Variants in ZNF267 observed in about 807,000 individuals in gnomAD.
ZNF267 encodes the protein zinc finger protein 267.
A neutral mutation model predicts 71.6 loss-of-function variants in ZNF267; 61 were observed. The ratio of observed to expected loss-of-function variants is 0.85; its 90% CI spans 0.69 to 1.05. The LOEUF (loss-of-function observed/expected upper bound fraction) is 1.05. Ranked by LOEUF, ZNF267 falls within the 50% of genes least tolerant of loss-of-function variation. ZNF267 has a pLI of 0.00. For synonymous variants in ZNF267, 288 were observed against 293.2 expected (o/e 0.98, Z 0.18); for missense variants, 852 against 870.0 (o/e 0.98, Z 0.26).
chr16:31,913,457 G>C (rs1375454504), intron 3 of ZNF267: 1 of 152,162 alleles, frequency 6.6e-6, no homozygotes, highest in East Asian at 1.9e-4. Context: ...TTACTGCCTG[G>C]CTACCACCTA....
intron 3 of ZNF267, among the ~76,000 whole-genome samples, chr16:31,895,251 C>A (rs12446802): frequency 0.099 from 15,067 of 152,278 alleles, 1,057 homozygotes; most frequent in Admixed American, 0.2. Flanking sequence ...TTTCACTTAA[C>A]ATGAGATTCT....
Position 31,915,405 on chromosome 16 carries a change from A to G in ZNF267, c.1156A>G (p.Ser386Gly). The change falls in exon 4 of 4, where the codon AGC becomes GGC. Residue 386 changes from serine to glycine, a missense_variant. Transcript: ENST00000300870. ...GENLYKCKAC[S>G]KSFTRSSNLI... Reference sequence around the variant, plus strand: ...AAACCTTTACAAATGTAAAGCATGTAGCAAATCTTTTACTCGTTCCTCCAA... The same window carrying G: ...AAACCTTTACAAATGTAAAGCATGTGGCAAATCTTTTACTCGTTCCTCCAA... 2 of 1,613,792 alleles carry G rather than the reference A, an allele frequency of 1.2e-6. No individual in the cohort carries two copies. The highest frequency in any genetic ancestry group is 1.1e-5 in the South Asian group (1 of 91,048).
At chr16:31,897,433 T>C (rs1267519062) in intron 3 of ZNF267, among the ~76,000 whole-genome samples, 9 of 152,140 alleles carry the variant, frequency 5.9e-5, no homozygotes. Context: ...CATGAGGATT[T>C]ATGGGCTCTC....
At position 31,885,265 on chromosome 16, in the gene ZNF267, G is replaced by C. The variant is rs2083916425; in HGVS notation, c.226+9G>C. 1 of 1,603,794 alleles carries C rather than the reference G, an allele frequency of 6.2e-7. No individual in the cohort carries two copies. The highest frequency in any genetic ancestry group is 8.5e-7 in the Non-Finnish European group (1 of 1,174,866). ...AGTAGCCATCCAGCCAGGTAGGTGG[G>C]AGCGAATGAAGTAGATGACATGGGC... On this transcript the variant is annotated intron_variant, in intron 3 of 3. Transcript: ENST00000300870.
chr16:31,891,655 C>T (rs1036058935), intron 3 of ZNF267, among the ~76,000 whole-genome samples: 3 of 152,190 alleles, frequency 2.0e-5, no homozygotes, highest in African/African-American at 7.2e-5. Context: ...TTTCCCTGCA[C>T]AGGCTCTCTT....
Position 31,915,094 on chromosome 16 carries a change from A to G in ZNF267, c.845A>G (p.His282Arg). 6.2e-7 allele frequency: 1 copy of G among 1,613,696 alleles called. No individual in the cohort carries two copies. Among genetic ancestry groups the G allele is most frequent in the Non-Finnish European group, 8.5e-7 (1 of 1,179,848 alleles). Residue 282 changes from histidine (H) to arginine (R), a missense_variant, in exon 4 of 4, where the codon CAT (histidine) becomes CGT (arginine). Transcript: ENST00000300870. ...CVEVCTQSLK[H>R]IQHQTIHIRE... ...GAAGTTTGTACCCAGTCATTAAAAC[A>G]TATTCAACATCAGACCATCCATATC...
rs139429460 is a variant in ZNF267 at position 31,897,662 on chromosome 16, T to C, written c.226+12406T>C. On this transcript the variant is annotated intron_variant, in intron 3 of 3. Transcript: ENST00000300870. ...TATTGATATTTTGATAGAGAGTACATTGAATCTGTAAATCACCTTGGATAG... is the reference window on the plus strand; with the variant it reads ...TATTGATATTTTGATAGAGAGTACACTGAATCTGTAAATCACCTTGGATAG... Among the ~76,000 whole-genome samples the C allele has an allele frequency of 1.2e-4, 18 of 152,260 alleles. 1 individual carries two copies. In the East Asian group the frequency reaches 2.5e-3, roughly 21 times the overall value.
chr16:31,874,943 T>C (rs2083841611), intron 1 of ZNF267, among the ~76,000 whole-genome samples: 1 of 152,234 alleles, frequency 6.6e-6, no homozygotes, highest in African/African-American at 2.4e-5. Flanking sequence ...TCATTAATCA[T>C]GATTTCACAG....
rs749426255 is a variant in ZNF267, at chr16:31,873,815, C to T, written c.-152C>T. The T allele has an allele frequency of 1.6e-5, 17 of 1,054,644 alleles. No homozygotes were observed. In the African/African-American group the frequency reaches 2.2e-4, roughly 14 times the overall value. The allele number at this position is 1,054,644 out of a possible 1,614,324, so 65.3% of individuals were successfully genotyped here. On this transcript the variant is annotated 5_prime_UTR_variant, in exon 1 of 4. Transcript: ENST00000300870. ...GGGCCTTCGTCGGCTCCAGTTAGAG[C>T]TCGGGTCTCCTCGCCACAGCTCCGA...
intron 3 of ZNF267, among the ~76,000 whole-genome samples, chr16:31,896,423 TA>T (rs2083999660): frequency 6.6e-6 from 1 of 152,230 alleles, no homozygotes; most frequent in Non-Finnish European, 1.5e-5. Context: ...TGATTACACT[TA>T]ATTCTTTAAT....
intron 3 of ZNF267, among the ~76,000 whole-genome samples, chr16:31,906,111 C>T (rs1278664783): frequency 2.6e-5 from 4 of 152,204 alleles, no homozygotes; most frequent in Non-Finnish European, 4.4e-5. Context: ...TATTGGTGAA[C>T]CGCAAATGCT....
intron 1 of ZNF267, 125 bp downstream of exon 1, chr16:31,874,094 A>C: frequency 9.1e-7 from 1 of 1,095,872 alleles, no homozygotes; most frequent in Non-Finnish European, 1.3e-6. Context: ...CCGAGTCCCA[A>C]CTGGTGCAGC....
At chr16:31,911,175 G>A (rs560816563) in intron 3 of ZNF267, among the ~76,000 whole-genome samples, 3 of 151,714 alleles carry the variant, frequency 2.0e-5, no homozygotes, top group Non-Finnish European at 2.9e-5. Context: ...AAAATGTTCT[G>A]CAAATATTTA....
At chr16:31,876,668 T>G (rs1461163733) in intron 1 of ZNF267, among the ~76,000 whole-genome samples, 1 of 152,266 alleles carries the variant, frequency 6.6e-6, no homozygotes, top group Admixed American at 6.5e-5. Flanking sequence ...TGTTGAGGTA[T>G]AAATTATAAA....
chr16:31,892,915 A>G (rs1284985380), intron 3 of ZNF267, among the ~76,000 whole-genome samples: 3 of 152,154 alleles, frequency 2.0e-5, no homozygotes, highest in Non-Finnish European at 4.4e-5. Flanking sequence ...CTGTCAGTGT[A>G]TCTACTATTC....
At chr16:31,905,365 A>T (rs62052288) in intron 3 of ZNF267, among the ~76,000 whole-genome samples, 10,912 of 152,208 alleles carry the variant, frequency 0.072, 498 homozygotes, top group Non-Finnish European at 0.11. Flanking sequence ...CTCCTGGATA[A>T]TATCCTGCAG....
At chr16:31,893,108 A>T (rs1321245624) in intron 3 of ZNF267, among the ~76,000 whole-genome samples, 1 of 152,248 alleles carries the variant, frequency 6.6e-6, no homozygotes, top group Non-Finnish European at 1.5e-5. Flanking sequence ...TCTGAAATCT[A>T]AACGGGGGTT....
chr16:31,892,196 T>C (rs1389266793), intron 3 of ZNF267, among the ~76,000 whole-genome samples: 1 of 151,976 alleles, frequency 6.6e-6, no homozygotes, highest in Admixed American at 6.6e-5. Context: ...GAGGAGCAAG[T>C]CACATCTTAC....
chr16:31,885,493 G>C lies in ZNF267; in HGVS notation c.226+237G>C, dbSNP rs146327455. 4.7e-3 allele frequency among the ~76,000 whole-genome samples: 717 copies of C among 152,314 alleles called. 8 individuals carry two copies. The highest frequency in any genetic ancestry group is 0.017 in the African/African-American group (692 of 41,572). On this transcript the variant is annotated intron_variant, in intron 3 of 3. Coordinates refer to ENST00000300870, the MANE Select transcript of ZNF267 (RefSeq NM_003414.6). ...CATCATATTCACAGTGACAGCCAAA[G>C]TGCTCCCCTTGGCCTGTGAGGGCCT...
Sources: allele counts gnomAD v4.1 joint callset (sites outside exome capture counted in the v4.1 genomes callset), GRCh38; gene constraint gnomAD v4.1.1; transcripts MANE v1.5; gene names NCBI Gene and HGNC (gene_info 2026-07-23, HGNC 2026-07-21).